Variants in AGBL1 observed in about 807,000 individuals in gnomAD.
The protein encoded by AGBL1 is AGBL carboxypeptidase 1, also known as cytosolic carboxypeptidase 4.
Under a neutral mutation model 118.9 loss-of-function variants are expected in AGBL1, and 130 were observed. The ratio of observed to expected loss-of-function variants is 1.09; its 90% CI spans 0.95 to 1.26. The LOEUF is 1.26. Ranked by LOEUF, AGBL1 falls within the 50% of genes most tolerant of loss-of-function variation. AGBL1 has a pLI of 0.00. For missense variants in AGBL1, 1,584 were observed against 1,298.1 expected, an observed-to-expected ratio of 1.22 and a Z score of -3.38; for synonymous variants, 555 against 478.9, an observed-to-expected ratio of 1.16 and a Z score of -2.08.
chr15:86,448,310 T>A (rs2082151296), intron 18 of AGBL1, among the ~76,000 whole-genome samples: 1 of 152,306 alleles, frequency 6.6e-6, no homozygotes, highest in South Asian at 2.1e-4. Context: ...TGTCTCCTTT[T>A]TTGGGCTACT....
chr15:86,928,892 G>A (rs1468562878), intron 23 of AGBL1, among the ~76,000 whole-genome samples: 1 of 149,822 alleles, frequency 6.7e-6, no homozygotes, highest in East Asian at 2.0e-4. Context: ...TTTTATTGTG[G>A]TAAAATATGC....
intron 6 of AGBL1, among the ~76,000 whole-genome samples, chr15:86,228,072 G>T (rs750504577): frequency 6.6e-6 from 1 of 152,208 alleles, no homozygotes; most frequent in South Asian, 2.1e-4. Context: ...ATGGCATGAA[G>T]GGTCTGGTTA....
At chr15:86,823,049 T>C (rs1233321594) in intron 22 of AGBL1, among the ~76,000 whole-genome samples, 2 of 152,104 alleles carry the variant, frequency 1.3e-5, no homozygotes, top group Non-Finnish European at 2.9e-5. Context: ...TTGTTAACAA[T>C]GCTAGTAGCC....
At chr15:86,771,042 C>G (rs2078172024) in intron 22 of AGBL1, among the ~76,000 whole-genome samples, 1 of 152,044 alleles carries the variant, frequency 6.6e-6, no homozygotes, top group Admixed American at 6.6e-5. Flanking sequence ...TCCTTGCTCT[C>G]TTTCCTCAGC....
At chr15:86,166,373 T>A (rs7166418) in intron 5 of AGBL1, among the ~76,000 whole-genome samples, 31,888 of 151,974 alleles carry the variant, frequency 0.21, 3,742 homozygotes, top group East Asian at 0.34. Flanking sequence ...AATGACCAGC[T>A]CCCTATCCTG....
At chr15:86,480,248 A>C (rs2082632912) in intron 18 of AGBL1, among the ~76,000 whole-genome samples, 1 of 152,192 alleles carries the variant, frequency 6.6e-6, no homozygotes, top group Non-Finnish European at 1.5e-5. Context: ...TAACTATGTG[A>C]AGTGATGAAT....
intron 21 of AGBL1, among the ~76,000 whole-genome samples, chr15:86,632,565 C>T (rs193130973): frequency 4.6e-5 from 7 of 152,092 alleles, no homozygotes; most frequent in East Asian, 1.9e-4. Flanking sequence ...CTGGATGTCT[C>T]ATCAAGATTC....
intron 22 of AGBL1, among the ~76,000 whole-genome samples, chr15:86,756,918 C>G (rs1206553298): frequency 6.6e-6 from 1 of 150,666 alleles, no homozygotes; most frequent in Non-Finnish European, 1.5e-5. Flanking sequence ...GTTGTGTTGA[C>G]CAAATTTGAA....
chr15:86,607,054 G>T (rs571525366), intron 21 of AGBL1, among the ~76,000 whole-genome samples: 1 of 152,126 alleles, frequency 6.6e-6, no homozygotes, highest in Non-Finnish European at 1.5e-5. Flanking sequence ...CATATAGTTG[G>T]AATGATACAG....
At chr15:86,862,934 A>G (rs2079578981) in intron 22 of AGBL1, among the ~76,000 whole-genome samples, 1 of 152,204 alleles carries the variant, frequency 6.6e-6, no homozygotes, top group African/African-American at 2.4e-5. Flanking sequence ...CATGGTAGCT[A>G]GAAACACAGG....
chr15:86,896,636 T>C (rs763663789), intron 22 of AGBL1, among the ~76,000 whole-genome samples: 1 of 152,190 alleles, frequency 6.6e-6, no homozygotes, highest in Non-Finnish European at 1.5e-5. Context: ...TTTGTTTCTT[T>C]TTTAAAATTA....
intron 18 of AGBL1, among the ~76,000 whole-genome samples, chr15:86,424,984 A>T (rs1351688065): frequency 6.6e-6 from 1 of 152,150 alleles, no homozygotes; most frequent in African/African-American, 2.4e-5. Flanking sequence ...CAGTGTGGTG[A>T]TTCCTCAAGA....
chr15:86,244,426 C>G (rs1286468856), intron 6 of AGBL1, among the ~76,000 whole-genome samples: 1 of 152,176 alleles, frequency 6.6e-6, no homozygotes, highest in Non-Finnish European at 1.5e-5. Flanking sequence ...TGCTCTTTCT[C>G]AGTTTGATGA....
intron 13 of AGBL1, among the ~76,000 whole-genome samples, chr15:86,267,306 G>C (rs1229962956): frequency 4.7e-5 from 2 of 42,830 alleles, no homozygotes; most frequent in African/African-American, 1.4e-4. Context: ...TGATATCATA[G>C]CTACACTGAT....
chr15:86,805,716 A>AT (rs34781535), intron 22 of AGBL1, among the ~76,000 whole-genome samples: 53 of 152,200 alleles, frequency 3.5e-4, no homozygotes, highest in African/African-American at 1.3e-3. Context: ...TGTAAAAAGT[A>AT]TTTTTTTCCA....
chr15:86,546,234 T>G, intron 20 of AGBL1, 101 bp downstream of exon 20: 1 of 1,291,714 alleles, frequency 7.7e-7, no homozygotes, highest in Non-Finnish European at 1.0e-6. Context: ...TTTTTTTTTT[T>G]TTGTAAATAA....
intron 23 of AGBL1, among the ~76,000 whole-genome samples, chr15:86,961,704 C>T (rs772552916): frequency 6.6e-6 from 1 of 151,988 alleles, no homozygotes; most frequent in Non-Finnish European, 1.5e-5. Flanking sequence ...TGGGTCAGGC[C>T]GGGGGCTCAG....
chr15:86,811,738 G>T (rs148112452), intron 22 of AGBL1, among the ~76,000 whole-genome samples: 1 of 152,304 alleles, frequency 6.6e-6, no homozygotes, highest in Non-Finnish European at 1.5e-5. Context: ...CAAAAAGAAA[G>T]TTACAGTTTG....
At chr15:86,759,837 C>G (rs980712239) in intron 22 of AGBL1, among the ~76,000 whole-genome samples, 1 of 152,100 alleles carries the variant, frequency 6.6e-6, no homozygotes, top group Non-Finnish European at 1.5e-5. Context: ...TTATTGTAAT[C>G]ATTTTTAAAA....
Sources: allele counts gnomAD v4.1 joint callset (sites outside exome capture counted in the v4.1 genomes callset), GRCh38; gene constraint gnomAD v4.1.1; transcripts MANE v1.5; gene names NCBI Gene and HGNC (gene_info 2026-07-23, HGNC 2026-07-21).